The following TACC2 variants were observed in gnomAD, a reference collection of about 807,000 sequenced individuals.
TACC2 encodes transforming acidic coiled-coil containing protein 2.
A neutral mutation model predicts 227.3 loss-of-function variants in TACC2; 137 were observed. That is an observed-to-expected ratio of 0.60 (90% CI 0.52 to 0.69). The LOEUF (loss-of-function observed/expected upper bound fraction) is 0.69, where lower values mean the gene tolerates loss of function less well. Ranked by LOEUF, TACC2 falls within the 30% of genes least tolerant of loss-of-function variation. The probability of loss-of-function intolerance (pLI) is 0.00; values close to 1 mark genes in which losing one functional copy is unlikely to be tolerated. For missense variants in TACC2, 3,470 were observed against 3,694.4 expected, an observed-to-expected ratio of 0.94 and a Z score of 1.57; for synonymous variants, 1,523 against 1,487.5, an observed-to-expected ratio of 1.02 and a Z score of -0.55.
chr10:122,089,219 A>G (rs2080441327), intron 5 of TACC2, among the ~76,000 whole-genome samples: 1 of 152,164 alleles, frequency 6.6e-6, no homozygotes, highest in Non-Finnish European at 1.5e-5. Context: ...CCATGGCTAC[A>G]ATCAATTTCA....
intron 8 of TACC2, among the ~76,000 whole-genome samples, chr10:122,198,386 C>T (rs538116605): frequency 2.0e-5 from 3 of 152,280 alleles, no homozygotes; most frequent in South Asian, 2.1e-4. Context: ...TCCGGCCTCC[C>T]GAGGTCCTGT....
intron 5 of TACC2, among the ~76,000 whole-genome samples, chr10:122,097,330 T>C (rs1453891680): frequency 6.6e-6 from 1 of 151,944 alleles, no homozygotes; most frequent in Admixed American, 6.6e-5. Context: ...AGTGAGGTAC[T>C]GTCTCAAAGA....
chr10:122,007,135 T>A (rs993080687), intron 1 of TACC2, among the ~76,000 whole-genome samples: 4 of 152,226 alleles, frequency 2.6e-5, no homozygotes, highest in African/African-American at 4.8e-5. Flanking sequence ...GTTCTGGGAT[T>A]ACAGGTGTGA....
At position 122,209,901 on chromosome 10, in the gene TACC2, AG is replaced by A. The variant is rs2095248650; in HGVS notation, c.5972-494del. 6.2e-6 allele frequency: 1 copy of A among 160,886 alleles called. No individual in the cohort carries two copies. The highest frequency in any genetic ancestry group is 1.8e-4 in the South Asian group (1 of 5,632). 10.0% of individuals were successfully genotyped at this position (160,886 alleles called of 1,614,324 possible). On this transcript the variant is annotated intron_variant, in intron 8 of 22. Coordinates refer to ENST00000369005, the MANE Select transcript of TACC2 (RefSeq NM_206862.4). The surrounding 1 kb of genome is among the most constrained non-coding windows in gnomAD (Gnocchi z 4.5). ...GAGACTGGGTTTCACCATGATGACC[AG>A]GCTGGTCTCAAACTCCTGACCTCAA...
At chr10:122,034,151 C>CAAAA (rs137962512) in intron 2 of TACC2, among the ~76,000 whole-genome samples, 3 of 83,060 alleles carry the variant, frequency 3.6e-5, no homozygotes, top group African/African-American at 9.2e-5. Context: ...GACTCTGTCT[C>CAAAA]AAAAAAAAAA....
At chr10:122,168,305 T>C (rs887194794) in intron 7 of TACC2, among the ~76,000 whole-genome samples, 21 of 152,322 alleles carry the variant, frequency 1.4e-4, no homozygotes, top group African/African-American at 5.1e-4. Context: ...AGTTTCTGAG[T>C]TCCTGGACGG....
chr10:122,076,843 G>A (rs1183950556), intron 3 of TACC2, among the ~76,000 whole-genome samples: 7 of 152,012 alleles, frequency 4.6e-5, no homozygotes, highest in Admixed American at 2.6e-4. Context: ...GGCCGGGTGC[G>A]GTGGCTCATG....
At chr10:122,145,205 G>A (rs186507334) in intron 7 of TACC2, among the ~76,000 whole-genome samples, 1 of 152,240 alleles carries the variant, frequency 6.6e-6, no homozygotes, top group East Asian at 1.9e-4. Flanking sequence ...GAAAATATAT[G>A]TCTACCTAAA....
chr10:122,215,274 G>T, intron 9 of TACC2, 117 bp from the exon 10 acceptor site: 2 of 856,016 alleles, frequency 2.3e-6, no homozygotes, highest in South Asian at 2.8e-5. Flanking sequence ...GACAGAGGTG[G>T]GAGGGTGGCC....
chr10:122,148,250 C>T (rs988259653), intron 7 of TACC2, among the ~76,000 whole-genome samples: 1 of 151,954 alleles, frequency 6.6e-6, no homozygotes, highest in African/African-American at 2.4e-5. Flanking sequence ...ATTATAGGCA[C>T]CCGCCACCAT....
At chr10:122,192,378 C>T (rs2094438518) in intron 7 of TACC2, 2 of 276,524 alleles carry the variant, frequency 7.2e-6, no homozygotes, top group Admixed American at 4.3e-5. Context: ...GGGCATCCGG[C>T]CCTCCCTGTT....
At chr10:122,014,763 C>T (rs990337947) in intron 1 of TACC2, among the ~76,000 whole-genome samples, 1 of 152,184 alleles carries the variant, frequency 6.6e-6, no homozygotes, top group African/African-American at 2.4e-5. Flanking sequence ...GGCCATGGTT[C>T]TGCCTACCCA....
chr10:122,190,477 G>A (rs185030872), intron 7 of TACC2, among the ~76,000 whole-genome samples: 59 of 152,250 alleles, frequency 3.9e-4, no homozygotes, highest in Admixed American at 3.8e-3. Flanking sequence ...GCTCGGCAGG[G>A]TCCTGTTTTC....
intron 1 of TACC2, among the ~76,000 whole-genome samples, chr10:122,008,729 C>T (rs1380423473): frequency 6.6e-6 from 1 of 151,970 alleles, no homozygotes; most frequent in African/African-American, 2.4e-5. Flanking sequence ...CCAGCCACCA[C>T]ACCTGGCTAA....
intron 7 of TACC2, among the ~76,000 whole-genome samples, chr10:122,154,619 A>G (rs2092340163): frequency 6.6e-6 from 1 of 152,208 alleles, no homozygotes; most frequent in African/African-American, 2.4e-5. Flanking sequence ...TGTACACATC[A>G]ACTGCTGAAG....
At chr10:122,124,341 C>T (rs1024011392) in intron 5 of TACC2, among the ~76,000 whole-genome samples, 1 of 152,228 alleles carries the variant, frequency 6.6e-6, no homozygotes, top group Non-Finnish European at 1.5e-5. Context: ...TCCTGCATCA[C>T]CTGGCACCTG....
rs150034118 is a variant in TACC2, at chr10:122,210,823, C to T, written c.6398C>T (p.Pro2133Leu). ...TLKRTKKPRPPSLKKKQTTKK... is the reference protein window; with the variant it reads ...TLKRTKKPRPLSLKKKQTTKK... ...AAGCGAACTAAAAAACCGAGGCCGC[C>T]TTCCTTAAAAAAGAAACAGACCACC... The change falls in exon 9 of 23, where the codon CCT becomes CTT. Residue 2133 changes from proline to leucine, a missense_variant. Transcript: ENST00000369005. The surrounding 1 kb of genome is among the most constrained non-coding windows in gnomAD (Gnocchi z 4.6). The T allele has an allele frequency of 5.3e-5, 86 of 1,611,812 alleles. No individual in the cohort carries two copies. Among genetic ancestry groups the T allele is most frequent in the Non-Finnish European group, 6.7e-5 (79 of 1,179,576 alleles).
intron 9 of TACC2, among the ~76,000 whole-genome samples, chr10:122,215,012 G>C (rs916648101): frequency 6.6e-6 from 1 of 152,150 alleles, no homozygotes; most frequent in Non-Finnish European, 1.5e-5. Flanking sequence ...CCTGAGCCTA[G>C]AGCCCCTCCC....
chr10:122,131,017 A>T (rs530147552), intron 5 of TACC2, among the ~76,000 whole-genome samples: 15 of 148,612 alleles, frequency 1.0e-4, no homozygotes, highest in African/African-American at 1.6e-4. Context: ...ATAAACATTT[A>T]AAAAAAATGT....
Sources: allele counts gnomAD v4.1 joint callset (sites outside exome capture counted in the v4.1 genomes callset), GRCh38; gene constraint gnomAD v4.1.1; non-coding constraint Gnocchi (gnomAD v3.1); transcripts MANE v1.5; gene names NCBI Gene and HGNC (gene_info 2026-07-23, HGNC 2026-07-21).